The following GRIK4 variants were observed in gnomAD, a reference collection of about 807,000 sequenced individuals.
GRIK4 encodes the protein glutamate ionotropic receptor kainate type subunit 4.
GRIK4 carries 40 observed loss-of-function variants against 104.9 expected under a neutral mutation model. The observed-to-expected ratio is 0.38, with a 90% CI of 0.30 to 0.50. GRIK4 has a LOEUF of 0.50. Ranked by LOEUF, GRIK4 falls within the 20% of genes least tolerant of loss-of-function variation. The pLI is 0.93. For missense variants in GRIK4, 1,047 were observed against 1,308.1 expected, an observed-to-expected ratio of 0.80 and a Z score of 3.08; for synonymous variants, 485 against 524.9, an observed-to-expected ratio of 0.92 and a Z score of 1.04.
chr11:120,820,831 C>T (rs1005074284), intron 6 of GRIK4, among the ~76,000 whole-genome samples: 6 of 152,212 alleles, frequency 3.9e-5, no homozygotes, highest in African/African-American at 1.2e-4. Flanking sequence ...CAAAAGCCAC[C>T]TCTCTATTAA....
chr11:120,621,117 C>T (rs1949182487), intron 1 of GRIK4, among the ~76,000 whole-genome samples: 1 of 152,180 alleles, frequency 6.6e-6, no homozygotes, highest in African/African-American at 2.4e-5. Flanking sequence ...ACACACAAAC[C>T]CCAAGCTCAA....
In GRIK4 at chr11:120,859,311, A is replaced by G. The variant is rs568753750; in HGVS notation, c.745-2648A>G. On this transcript the variant is annotated intron_variant, in intron 8 of 20. Coordinates refer to ENST00000527524, the MANE Select transcript of GRIK4 (RefSeq NM_014619.5). ...TGAAATAACCTATAAGGTTGCTAAT[A>G]TTGTTTCTTTTTAAAAAACAAGGAT... is the stretch of plus-strand genomic sequence containing the variant. 1.9e-4 allele frequency: 29 copies of G among 152,220 alleles called. No homozygotes were observed. The South Asian group carries it at 6.0e-3, about 32-fold the overall frequency. 9.4% of individuals were successfully genotyped at this position (152,220 alleles called of 1,614,324 possible). A position where few individuals can be genotyped will look rare whatever the true frequency, so the allele number is the denominator to read the frequency against.
intron 3 of GRIK4, among the ~76,000 whole-genome samples, chr11:120,759,268 C>T (rs1027154029): frequency 3.9e-5 from 6 of 152,152 alleles, no homozygotes; most frequent in South Asian, 2.1e-4. Context: ...AAAACTAAAC[C>T]GAAAGCAGCT....
chr11:120,604,128 C>T (rs371746948), intron 1 of GRIK4, among the ~76,000 whole-genome samples: 12 of 143,838 alleles, frequency 8.3e-5, no homozygotes, highest in African/African-American at 2.3e-4. Flanking sequence ...GCCGAGATCG[C>T]GCCACTGCAC....
chr11:120,754,332 G>T (rs925260681), intron 3 of GRIK4, among the ~76,000 whole-genome samples: 2 of 152,188 alleles, frequency 1.3e-5, no homozygotes, highest in African/African-American at 4.8e-5. Flanking sequence ...TCATTTAAAT[G>T]GAATCAGACA....
chr11:120,520,357 C>T (rs1947782041), intron 1 of GRIK4, among the ~76,000 whole-genome samples: 1 of 152,246 alleles, frequency 6.6e-6, no homozygotes, highest in Non-Finnish European at 1.5e-5. Flanking sequence ...ACTCTCCTTC[C>T]CTTGGCCTGA....
chr11:120,897,563 C>T (rs11218048), intron 11 of GRIK4, among the ~76,000 whole-genome samples: 1 of 98,088 alleles, frequency 1.0e-5, no homozygotes, highest in African/African-American at 3.9e-5. Context: ...GATCGCACAA[C>T]TAGACTCTAG....
At chr11:120,950,555 G>A (rs992859398) in intron 14 of GRIK4, among the ~76,000 whole-genome samples, 2 of 152,196 alleles carry the variant, frequency 1.3e-5, no homozygotes, top group South Asian at 2.1e-4. Flanking sequence ...GACAGGGCAT[G>A]TGGAATTCAT....
At chr11:120,872,100 C>T (rs2135672008) in intron 9 of GRIK4, 1 of 357,312 alleles carries the variant, frequency 2.8e-6, no homozygotes, top group African/African-American at 2.1e-5. Flanking sequence ...TAACATCTGT[C>T]TGGACCTGAG....
chr11:120,827,829 G>A (rs1235861173), intron 6 of GRIK4, among the ~76,000 whole-genome samples: 1 of 152,144 alleles, frequency 6.6e-6, no homozygotes, highest in African/African-American at 2.4e-5. Flanking sequence ...GAGGGGCTTT[G>A]GTCTTTCCTT....
rs963393588 is a variant in GRIK4 at position 120,693,217 on chromosome 11, G to C, written c.82+32817G>C. On this transcript the variant is annotated intron_variant, in intron 3 of 20. Transcript: ENST00000527524. Reference sequence around the variant, plus strand: ...CCTTCCAGGTTCAAGCGACTCTCCTGCCTCAGCCTCCTGAGCAGCTGGGAT... The same window carrying C: ...CCTTCCAGGTTCAAGCGACTCTCCTCCCTCAGCCTCCTGAGCAGCTGGGAT... 2.0e-5 allele frequency among the ~76,000 whole-genome samples: 3 copies of C among 151,910 alleles called. No individual in the cohort carries two copies. In the South Asian group the frequency reaches 6.2e-4, roughly 32 times the overall value.
At chr11:120,589,632 C>G (rs1394425442) in intron 1 of GRIK4, among the ~76,000 whole-genome samples, 1 of 152,138 alleles carries the variant, frequency 6.6e-6, no homozygotes, top group African/African-American at 2.4e-5. Flanking sequence ...TGGGAGCATT[C>G]CTTTTGCATT....
At chr11:120,811,079 G>A (rs1212056085) in intron 4 of GRIK4, among the ~76,000 whole-genome samples, 2 of 152,154 alleles carry the variant, frequency 1.3e-5, no homozygotes, top group African/African-American at 4.8e-5. Flanking sequence ...TTGGGAACAG[G>A]ATCAGGCAGG....
rs190383402 is a variant in GRIK4, at chr11:120,928,600, G to A, written c.1477-11747G>A. Among the ~76,000 whole-genome samples the A allele has an allele frequency of 1.7e-3, 255 of 152,244 alleles. 1 individual carries two copies. Among genetic ancestry groups the A allele is most frequent in the Non-Finnish European group, 1.7e-3 (117 of 68,024 alleles). On this transcript the variant is annotated intron_variant, in intron 13 of 20. Coordinates refer to ENST00000527524, the MANE Select transcript of GRIK4 (RefSeq NM_014619.5). Reference sequence around the variant, plus strand: ...TCTGCTTGGCCTCTTGAGTCAGCTTGGACCTCTGTGCCGCATAATTTCACC... The same window carrying A: ...TCTGCTTGGCCTCTTGAGTCAGCTTAGACCTCTGTGCCGCATAATTTCACC...
intron 9 of GRIK4, among the ~76,000 whole-genome samples, chr11:120,866,174 A>G (rs1459968880): frequency 6.6e-6 from 1 of 152,196 alleles, no homozygotes; most frequent in Non-Finnish European, 1.5e-5. Flanking sequence ...TGGCTCCATC[A>G]CATAGTCACA....
At chr11:120,617,391 AT>A (rs1162684348) in intron 1 of GRIK4, among the ~76,000 whole-genome samples, 1 of 151,790 alleles carries the variant, frequency 6.6e-6, no homozygotes, top group Non-Finnish European at 1.5e-5. Flanking sequence ...TTATTTATTT[AT>A]TTATTGAGGC....
intron 1 of GRIK4, among the ~76,000 whole-genome samples, chr11:120,543,922 G>A (rs1488876228): frequency 6.6e-6 from 1 of 152,236 alleles, no homozygotes; most frequent in Non-Finnish European, 1.5e-5. Context: ...CTTACATGTG[G>A]AATCTAAAAT....
chr11:120,967,361 G>GGACCA lies in GRIK4; in HGVS notation c.2395+39_2395+43dup. 1.3e-6 allele frequency: 2 copies of GGACCA among 1,577,098 alleles called. No homozygotes were observed. Among genetic ancestry groups the GGACCA allele is most frequent in the Non-Finnish European group, 1.7e-6 (2 of 1,161,696 alleles). On this transcript the variant is annotated intron_variant, in intron 19 of 20. Coordinates refer to ENST00000527524, the MANE Select transcript of GRIK4 (RefSeq NM_014619.5). This position sits in a 1 kb window ranked among gnomAD's most constrained non-coding sequence, Gnocchi z 4.2. ...AGGGCCATCCTCCTCCTGCCCTAGA[G>GGACCA]GACCAAAGTAGCTTGTTTCTCGTGT... is the stretch of plus-strand genomic sequence containing the variant.
intron 3 of GRIK4, among the ~76,000 whole-genome samples, chr11:120,768,891 A>T (rs1363210247): frequency 6.6e-6 from 1 of 152,214 alleles, no homozygotes; most frequent in Non-Finnish European, 1.5e-5. Flanking sequence ...GCATAAATCC[A>T]ACTTGGTCAT....
Sources: gnomAD v4.1 joint callset for allele counts (sites outside exome capture counted in the v4.1 genomes callset) on GRCh38, gnomAD v4.1.1 for gene constraint, Gnocchi (gnomAD v3.1) non-coding constraint, MANE v1.5 for transcripts, NCBI Gene and HGNC (gene_info 2026-07-23, HGNC 2026-07-21) for gene names.